The following BLTP3B variants were observed in gnomAD, a reference collection of about 807,000 sequenced individuals.
BLTP3B encodes the protein bridge-like lipid transfer protein family member 3B.
the BLTP3B span, among the ~76,000 whole-genome samples, chr12:100,060,535 A>G: frequency 1.1e-4 from 16 of 152,202 alleles, no homozygotes; most frequent in Non-Finnish European, 1.5e-5. Context: ...TTCTTATGAA[A>G]GTGCTATGCT....
chr12:100,056,440 C>T, the BLTP3B span, among the ~76,000 whole-genome samples: 2 of 152,002 alleles, frequency 1.3e-5, no homozygotes, highest in African/African-American at 4.8e-5. Context: ...ATCAATAATA[C>T]ATATTATATT....
At chr12:100,133,039 G>A in the BLTP3B span, among the ~76,000 whole-genome samples, 2 of 151,962 alleles carry the variant, frequency 1.3e-5, no homozygotes, top group South Asian at 2.1e-4. Flanking sequence ...GTCAGGAGAT[G>A]GAGACCATCC....
the BLTP3B span, among the ~76,000 whole-genome samples, chr12:100,091,874 C>CA: frequency 2.9e-4 from 44 of 150,876 alleles, no homozygotes; most frequent in African/African-American, 1.0e-3. Context: ...GGTGCAATCT[C>CA]AGCTCACTGC....
the BLTP3B span, among the ~76,000 whole-genome samples, chr12:100,066,841 A>T: frequency 6.6e-6 from 1 of 152,026 alleles, no homozygotes; most frequent in African/African-American, 2.4e-5. Flanking sequence ...AAATGGACTT[A>T]ACAGATACTT....
the BLTP3B span, chr12:100,039,629 A>G: frequency 1.2e-6 from 2 of 1,613,614 alleles, no homozygotes; most frequent in Admixed American, 1.7e-5. Context: ...AGAACTCAGG[A>G]AAGTTAGCTG....
At chr12:100,051,001 T>G in the BLTP3B span, 1 of 1,560,512 alleles carries the variant, frequency 6.4e-7, no homozygotes, top group Non-Finnish European at 8.6e-7. Context: ...TATGAATGTC[T>G]CAAAATATAT....
At chr12:100,131,980 TG>T in the BLTP3B span, among the ~76,000 whole-genome samples, 69 of 152,252 alleles carry the variant, frequency 4.5e-4, no homozygotes, top group Non-Finnish European at 6.9e-4. Context: ...TAAGTAGAGA[TG>T]GGGTTTCACC....
chr12:100,130,222 A>G, the BLTP3B span, among the ~76,000 whole-genome samples: 3 of 152,302 alleles, frequency 2.0e-5, no homozygotes, highest in Admixed American at 6.5e-5. Flanking sequence ...GGCCTCCCAA[A>G]GTGCTAGGAT....
chr12:100,085,346 CAAA>C, the BLTP3B span, among the ~76,000 whole-genome samples: 1 of 114,752 alleles, frequency 8.7e-6, no homozygotes. Context: ...GGCCTTGGAT[CAAA>C]AAAAAAAAAG....
chr12:100,106,900 A>C, the BLTP3B span, among the ~76,000 whole-genome samples: 1 of 152,222 alleles, frequency 6.6e-6, no homozygotes, highest in Admixed American at 6.5e-5. Flanking sequence ...TTTAGGAAAC[A>C]ATCAGCATGC....
At chr12:100,069,943 C>A in the BLTP3B span, 1 of 1,160,354 alleles carries the variant, frequency 8.6e-7, no homozygotes, top group Non-Finnish European at 1.1e-6. Context: ...TTAAGAAAAA[C>A]AATTATGGGG....
chr12:100,074,841 G>A, the BLTP3B span, among the ~76,000 whole-genome samples: 1 of 152,090 alleles, frequency 6.6e-6, no homozygotes, highest in Non-Finnish European at 1.5e-5. Context: ...CAGAGACATA[G>A]ATCAATGGAA....
the BLTP3B span, among the ~76,000 whole-genome samples, chr12:100,123,517 T>C: frequency 6.6e-6 from 1 of 152,068 alleles, no homozygotes; most frequent in Non-Finnish European, 1.5e-5. Context: ...TCAGACACTG[T>C]CTATCTGGAG....
At chr12:100,082,966 T>G in the BLTP3B span, 403 of 1,343,650 alleles carry the variant, frequency 3.0e-4, no homozygotes, top group Non-Finnish European at 3.9e-4. Context: ...GTTGCTTAGA[T>G]GAGATACTAA....
chr12:100,098,261 T>C, the BLTP3B span: 1 of 1,383,598 alleles, frequency 7.2e-7, no homozygotes, highest in East Asian at 2.4e-5. Flanking sequence ...AAAGCAAAGT[T>C]AAAAGGCAAC....
At chr12:100,118,191 T>G in the BLTP3B span, among the ~76,000 whole-genome samples, 1 of 152,192 alleles carries the variant, frequency 6.6e-6, no homozygotes, top group Non-Finnish European at 1.5e-5. Context: ...TCCTCAAAAC[T>G]TTCAAGGTTG....
chr12:100,062,331 G>A, the BLTP3B span, among the ~76,000 whole-genome samples: 27 of 152,108 alleles, frequency 1.8e-4, no homozygotes, highest in Non-Finnish European at 3.2e-4. Context: ...CAATGTGTAC[G>A]TTACTTTCAC....
At chr12:100,053,523 A>G in the BLTP3B span, among the ~76,000 whole-genome samples, 63 of 152,330 alleles carry the variant, frequency 4.1e-4, no homozygotes, top group African/African-American at 1.3e-3. Context: ...TTATGTGTTT[A>G]TATGTGTTCA....
chr12:100,075,400 A>C, the BLTP3B span, among the ~76,000 whole-genome samples: 1 of 152,230 alleles, frequency 6.6e-6, no homozygotes, highest in Non-Finnish European at 1.5e-5. Context: ...AAGAAAAGCT[A>C]GGAAATACCA....
Sources: allele counts gnomAD v4.1 joint callset (sites outside exome capture counted in the v4.1 genomes callset), GRCh38; gene constraint gnomAD v4.1.1; transcripts MANE v1.5; gene names NCBI Gene and HGNC (gene_info 2026-07-23, HGNC 2026-07-21).